DPP6: variants seen among roughly 807,000 people sequenced by gnomAD.
DPP6 encodes dipeptidyl peptidase like 6.
A neutral mutation model predicts 122.6 loss-of-function variants in DPP6; 69 were observed. The observed-to-expected ratio is 0.56, with a 90% CI of 0.46 to 0.69. The LOEUF is 0.69. Among genes scored for constraint, DPP6 ranks in the 30% least tolerant of loss-of-function variants. DPP6 has a pLI of 0.00. For synonymous variants in DPP6, 418 were observed against 433.1 expected (o/e 0.97, Z 0.43); for missense variants, 928 against 1,116.9 (o/e 0.83, Z 2.41).
chr7:154,166,068 T>C, intron 1 of DPP6, among the ~76,000 whole-genome samples: 1 of 152,196 alleles, frequency 6.6e-6, no homozygotes, highest in East Asian at 1.9e-4. Flanking sequence ...GAACAATATA[T>C]TCTTCAATAG....
At chr7:154,572,429 A>G (rs1831166730) in intron 5 of DPP6, among the ~76,000 whole-genome samples, 1 of 151,642 alleles carries the variant, frequency 6.6e-6, no homozygotes, top group Admixed American at 6.6e-5. Flanking sequence ...AAATTATTGA[A>G]CCCATATTGT....
intron 1 of DPP6, among the ~76,000 whole-genome samples, chr7:154,364,251 C>A (rs1811970752): frequency 6.6e-6 from 1 of 152,174 alleles, no homozygotes. Context: ...ATTTGAAATT[C>A]ACCATACTCA....
chr7:154,152,994 A>C (rs1796499797), intron 1 of DPP6, among the ~76,000 whole-genome samples: 1 of 152,378 alleles, frequency 6.6e-6, no homozygotes, highest in South Asian at 2.1e-4. Flanking sequence ...TTCAGTGTAC[A>C]TAAAAAGCAT....
At chr7:154,272,332 C>T (rs1250434652) in intron 1 of DPP6, among the ~76,000 whole-genome samples, 1 of 152,228 alleles carries the variant, frequency 6.6e-6, no homozygotes, top group Non-Finnish European at 1.5e-5. Context: ...GAACACACCT[C>T]TGTTACTTCT....
intron 1 of DPP6, among the ~76,000 whole-genome samples, chr7:154,298,914 C>A (rs1805719024): frequency 6.6e-6 from 1 of 152,220 alleles, no homozygotes; most frequent in Non-Finnish European, 1.5e-5. Context: ...GGTCTGCGTT[C>A]TCATCCGCGA....
chr7:154,177,971 C>T (rs1797889024), intron 1 of DPP6, among the ~76,000 whole-genome samples: 1 of 152,118 alleles, frequency 6.6e-6, no homozygotes, highest in African/African-American at 2.4e-5. Flanking sequence ...AACATTGTGG[C>T]CCTGAGTCCC....
At chr7:154,770,453 C>A (rs565781306) in intron 9 of DPP6, among the ~76,000 whole-genome samples, 5 of 152,262 alleles carry the variant, frequency 3.3e-5, no homozygotes, top group African/African-American at 9.6e-5. Context: ...GGGACACAGT[C>A]AAACCATATC....
chr7:154,001,920 G>T (rs1797709481), intron 1 of DPP6, among the ~76,000 whole-genome samples: 1 of 151,954 alleles, frequency 6.6e-6, no homozygotes, highest in Admixed American at 6.5e-5. Flanking sequence ...CATCCAAGCT[G>T]TGCAGATGTT....
chr7:154,265,536 A>G (rs1227690509), intron 1 of DPP6, among the ~76,000 whole-genome samples: 1 of 152,218 alleles, frequency 6.6e-6, no homozygotes, highest in Non-Finnish European at 1.5e-5. Context: ...ATAGAAGTAG[A>G]CAATCATGTT....
chr7:154,792,712 CCATGTTT>C (rs1292889584), intron 10 of DPP6, among the ~76,000 whole-genome samples: 3 of 152,246 alleles, frequency 2.0e-5, no homozygotes, highest in Admixed American at 6.5e-5. Flanking sequence ...AGAAAAGCAA[CCATGTTT>C]CAGACATCAC....
At position 154,257,189 on chromosome 7, in the gene DPP6, A is replaced by C. The variant is rs979133647; in HGVS notation, c.244-189025A>C. On this transcript the variant is annotated intron_variant, in intron 1 of 25. Transcript: ENST00000377770. ...TTTTTTGTAGAGATGAGTTCTTGCT[A>C]TGTTGCCCAGGCTGGTCTCGTGCTC... Among the ~76,000 whole-genome samples, 20 of 151,670 alleles carry C rather than the reference A, an allele frequency of 1.3e-4. 1 individual carries two copies. The highest frequency in any genetic ancestry group is 1.2e-3 in the Admixed American group (18 of 15,190).
intron 1 of DPP6, among the ~76,000 whole-genome samples, chr7:154,208,559 C>G (rs1428895640): frequency 6.6e-6 from 1 of 152,172 alleles, no homozygotes; most frequent in Non-Finnish European, 1.5e-5. Flanking sequence ...ACATAATTTG[C>G]AGAATTGATC....
intron 1 of DPP6, among the ~76,000 whole-genome samples, chr7:154,136,569 A>G (rs1795567666): frequency 6.6e-6 from 1 of 152,196 alleles, no homozygotes; most frequent in East Asian, 1.9e-4. Flanking sequence ...ATCACTTGCG[A>G]AACTCCTAAA....
At chr7:154,701,044 T>C (rs1435759525) in intron 7 of DPP6, among the ~76,000 whole-genome samples, 1 of 152,100 alleles carries the variant, frequency 6.6e-6, no homozygotes, top group African/African-American at 2.4e-5. Flanking sequence ...TGGATTTGTC[T>C]CCACTCACCA....
At chr7:153,760,951 A>G in the DPP6 span, among the ~76,000 whole-genome samples, 1 of 152,066 alleles carries the variant, frequency 6.6e-6, no homozygotes, top group African/African-American at 2.4e-5. Context: ...TTTAGCGCAA[A>G]CTGTAGCTGC....
intron 16 of DPP6, among the ~76,000 whole-genome samples, chr7:154,810,082 C>T (rs753687310): frequency 3.9e-4 from 59 of 152,220 alleles, no homozygotes; most frequent in Non-Finnish European, 7.1e-4. Context: ...TCTCACACTC[C>T]TGGTCTCAAA....
At chr7:154,332,800 G>A (rs370286558) in intron 1 of DPP6, among the ~76,000 whole-genome samples, 63 of 152,262 alleles carry the variant, frequency 4.1e-4, no homozygotes, top group East Asian at 1.7e-3. Flanking sequence ...ATTTTTCTGC[G>A]TCAGATGCAT....
intron 3 of DPP6, among the ~76,000 whole-genome samples, chr7:154,518,720 G>C (rs1826732969): frequency 6.6e-6 from 1 of 152,280 alleles, no homozygotes; most frequent in Middle Eastern, 3.4e-3. Flanking sequence ...AGTTGTCCCT[G>C]GTTGGTTTCT....
chr7:154,616,642 C>G (rs1029485625), intron 5 of DPP6, among the ~76,000 whole-genome samples: 3 of 152,126 alleles, frequency 2.0e-5, no homozygotes, highest in Admixed American at 2.0e-4. Flanking sequence ...TTTGGGAATA[C>G]AACATGAGAT....
Sources: allele counts gnomAD v4.1 joint callset (sites outside exome capture counted in the v4.1 genomes callset), GRCh38; gene constraint gnomAD v4.1.1; transcripts MANE v1.5; gene names NCBI Gene and HGNC (gene_info 2026-07-23, HGNC 2026-07-21).